PLXNC1: variants seen among roughly 807,000 people sequenced by gnomAD.
PLXNC1 encodes the protein plexin C1.
PLXNC1 carries 75 observed loss-of-function variants against 178.2 expected under a neutral mutation model. The ratio of observed to expected loss-of-function variants is 0.42; its 90% confidence interval spans 0.35 to 0.51. The LOEUF (loss-of-function observed/expected upper bound fraction) is 0.51, where lower values mean the gene tolerates loss of function less well. Ranked by LOEUF, PLXNC1 falls within the 20% of genes least tolerant of loss-of-function variation. The pLI, the probability that PLXNC1 is intolerant of heterozygous loss-of-function variation, is 0.02. For synonymous variants in PLXNC1, 790 were observed against 779.9 expected, an observed-to-expected ratio of 1.01 and a Z score of -0.22; for missense variants, 1,503 against 1,984.4, an observed-to-expected ratio of 0.76 and a Z score of 4.61.
intron 4 of PLXNC1, among the ~76,000 whole-genome samples, chr12:94,200,144 C>A (rs1217698789): frequency 1.3e-5 from 2 of 152,186 alleles, no homozygotes; most frequent in Non-Finnish European, 2.9e-5. Context: ...CGGACCTCAG[C>A]CTCCGTGCTA....
At chr12:94,265,022 T>C (rs960806808) in intron 20 of PLXNC1, 57 bp from the exon 21 acceptor site, 4 of 1,551,330 alleles carry the variant, frequency 2.6e-6, no homozygotes, top group Non-Finnish European at 2.6e-6. Context: ...TTTAATTCTT[T>C]GGAAAGTACA....
At chr12:94,174,241 G>A (rs1032285683) in intron 2 of PLXNC1, among the ~76,000 whole-genome samples, 1 of 151,802 alleles carries the variant, frequency 6.6e-6, no homozygotes, top group East Asian at 1.9e-4. Flanking sequence ...CTGGAGTGCA[G>A]TGGTGCAGTC....
intron 1 of PLXNC1, among the ~76,000 whole-genome samples, chr12:94,165,053 G>A (rs1168105934): frequency 1.3e-5 from 2 of 152,168 alleles, no homozygotes; most frequent in African/African-American, 4.8e-5. Flanking sequence ...AACAAGCAGA[G>A]GCTGGGATTC....
chr12:94,214,042 A>G (rs540233825), intron 5 of PLXNC1, among the ~76,000 whole-genome samples: 1 of 151,870 alleles, frequency 6.6e-6, no homozygotes, highest in African/African-American at 2.4e-5. Context: ...AATTGGAATA[A>G]AAGTATTCCT....
intron 7 of PLXNC1, 89 bp from the exon 8 acceptor site, chr12:94,226,516 A>C: frequency 1.2e-6 from 1 of 830,312 alleles, no homozygotes; most frequent in Admixed American, 2.4e-5. Flanking sequence ...CTTCTTTTAA[A>C]TGCTTGCATG....
chr12:94,181,265 A>G (rs539072119), intron 2 of PLXNC1, among the ~76,000 whole-genome samples, 181 bp from the exon 3 acceptor site: 2 of 151,924 alleles, frequency 1.3e-5, no homozygotes, highest in South Asian at 4.2e-4. Flanking sequence ...TGGTGCATCT[A>G]TAGTCCCAGC....
At chr12:94,250,644 A>C (rs1964658410) in intron 14 of PLXNC1, among the ~76,000 whole-genome samples, 1 of 152,200 alleles carries the variant, frequency 6.6e-6, no homozygotes, top group Non-Finnish European at 1.5e-5. Context: ...ATATAACCCA[A>C]AAAAATGCTA....
intron 4 of PLXNC1, among the ~76,000 whole-genome samples, chr12:94,191,142 A>G (rs1217326443): frequency 6.6e-6 from 1 of 152,218 alleles, no homozygotes; most frequent in Admixed American, 6.5e-5. Flanking sequence ...CTTAAATCTT[A>G]TAAGACATTC....
At chr12:94,204,341 G>A (rs1565808520) in intron 4 of PLXNC1, among the ~76,000 whole-genome samples, 1 of 152,230 alleles carries the variant, frequency 6.6e-6, no homozygotes, top group South Asian at 2.1e-4. Context: ...TGTGAAGCAG[G>A]GACAATTATT....
At chr12:94,239,452 G>A (rs554443392) in intron 10 of PLXNC1, among the ~76,000 whole-genome samples, 1 of 152,322 alleles carries the variant, frequency 6.6e-6, no homozygotes, top group East Asian at 1.9e-4. Context: ...CTGAGGTGGC[G>A]TAAGTACAAA....
At chr12:94,287,911 G>GGT (rs1966876006) in intron 23 of PLXNC1, among the ~76,000 whole-genome samples, 2 of 152,224 alleles carry the variant, frequency 1.3e-5, no homozygotes. Context: ...CGCTCCATGA[G>GGT]GTGAATACTA....
chr12:94,297,201 C>G lies in PLXNC1; in HGVS notation c.3947C>G (p.Ser1316Trp). Residue 1316 changes from serine (S) to tryptophan (W), a missense_variant, in exon 25 of 31, where the codon TCG (serine) becomes TGG (tryptophan). Coordinates refer to ENST00000258526, the MANE Select transcript of PLXNC1 (RefSeq NM_005761.3). Reference sequence around the variant, plus strand: ...CTCTGGCATTCAGATGTGGAGTACTCGGATGACCACTGCCATTTGGTGAGT... The same window carrying G: ...CTCTGGCATTCAGATGTGGAGTACTGGGATGACCACTGCCATTTGGTGAGT... ...IANFTSDVEY[S>W]DDHCHLILPD... The G allele has an allele frequency of 1.2e-6, 2 of 1,613,992 alleles. No homozygotes were observed. Among genetic ancestry groups the G allele is most frequent in the Non-Finnish European group, 1.7e-6 (2 of 1,179,978 alleles).
At chr12:94,257,779 C>T (rs1309550432) in intron 17 of PLXNC1, among the ~76,000 whole-genome samples, 4 of 151,968 alleles carry the variant, frequency 2.6e-5, no homozygotes, top group South Asian at 2.1e-4. Flanking sequence ...TGGTGGCGGG[C>T]GCCTGTAGTC....
chr12:94,245,423 A>G (rs552768132), intron 12 of PLXNC1, among the ~76,000 whole-genome samples: 1 of 152,302 alleles, frequency 6.6e-6, no homozygotes, highest in African/African-American at 2.4e-5. Context: ...GCTCACGATT[A>G]TAATCCCAGC....
chr12:94,227,058 T>C, intron 8 of PLXNC1, 91 bp from the exon 9 acceptor site: 1 of 873,340 alleles, frequency 1.1e-6, no homozygotes, highest in Admixed American at 2.0e-5. Context: ...TAAATGTTTG[T>C]GACTGCCTGG....
chr12:94,179,362 G>A (rs1962218426), intron 2 of PLXNC1, among the ~76,000 whole-genome samples: 1 of 152,196 alleles, frequency 6.6e-6, no homozygotes, highest in Non-Finnish European at 1.5e-5. Flanking sequence ...CTGACAAAAT[G>A]TTGAACACCT....
At chr12:94,168,028 T>C (rs1961686504) in intron 1 of PLXNC1, 1 of 152,218 alleles carries the variant, frequency 6.6e-6, no homozygotes, top group Non-Finnish European at 1.5e-5. Flanking sequence ...AATGAATATT[T>C]AATAAGACAT....
chr12:94,195,403 A>G (rs1962877931), intron 4 of PLXNC1, among the ~76,000 whole-genome samples: 1 of 152,182 alleles, frequency 6.6e-6, no homozygotes, highest in East Asian at 1.9e-4. Context: ...TACGTCTCCC[A>G]GTGCATCCAT....
In PLXNC1 at chr12:94,149,747, C is replaced by T. The variant is rs1015764059; in HGVS notation, c.776C>T (p.Thr259Ile). Residue 259 changes from threonine (T) to isoleucine (I), a missense_variant, in exon 1 of 31, where the codon ACC becomes ATC. Coordinates refer to ENST00000258526, the MANE Select transcript of PLXNC1 (RefSeq NM_005761.3). Reference protein sequence around the residue: ...YPYNYTSGAATGWPSMARIAQ... With the variant: ...YPYNYTSGAAIGWPSMARIAQ... The stretch of plus-strand genomic sequence containing the variant: ...TACAACTACACGAGCGGCGCTGCCA[C>T]CGGCTGGCCCAGCATGGCGCGCATC... 3 of 1,610,740 alleles carry T rather than the reference C, an allele frequency of 1.9e-6. No homozygotes were observed. Among genetic ancestry groups the T allele is most frequent in the African/African-American group, 1.3e-5 (1 of 74,880 alleles).
Sources: gnomAD v4.1 joint callset for allele counts (sites outside exome capture counted in the v4.1 genomes callset) on GRCh38, gnomAD v4.1.1 for gene constraint, MANE v1.5 for transcripts, NCBI Gene and HGNC (gene_info 2026-07-23, HGNC 2026-07-21) for gene names.